Variants in EYS observed in about 807,000 individuals in gnomAD.
The protein encoded by EYS is EGF-like photoreceptor maintenance factor, also known as protein eyes shut homolog.
Under a neutral mutation model 282.1 loss-of-function variants are expected in EYS, and 250 were observed. The ratio of observed to expected loss-of-function variants is 0.89; its 90% CI spans 0.80 to 0.98. The LOEUF is 0.98. Among genes scored for constraint, EYS ranks in the 50% least tolerant of loss-of-function variants. The probability of loss-of-function intolerance (pLI) is 0.00; values close to 1 mark genes in which losing one functional copy is unlikely to be tolerated. For missense variants in EYS, 4,016 were observed against 3,709.0 expected, an observed-to-expected ratio of 1.08 and a Z score of -2.15; for synonymous variants, 1,355 against 1,282.9, an observed-to-expected ratio of 1.06 and a Z score of -1.20.
intron 31 of EYS, among the ~76,000 whole-genome samples, chr6:64,096,649 C>T (rs187529498): frequency 1.3e-5 from 2 of 152,246 alleles, no homozygotes; most frequent in East Asian, 1.9e-4. Context: ...GTTAGCCATT[C>T]GTCTAATTTT....
intron 22 of EYS, among the ~76,000 whole-genome samples, chr6:64,778,379 TA>T (rs1480028500): frequency 6.6e-6 from 1 of 152,206 alleles, no homozygotes; most frequent in Non-Finnish European, 1.5e-5. Flanking sequence ...CTCCAAGCAC[TA>T]GTGGTCTAAA....
chr6:64,119,597 T>C (rs1482718184), intron 31 of EYS, among the ~76,000 whole-genome samples: 1 of 152,250 alleles, frequency 6.6e-6, no homozygotes, highest in African/African-American at 2.4e-5. Flanking sequence ...ATTTAGTGAG[T>C]TCATACCCAT....
rs1011675959 is a variant in EYS at position 64,395,545 on chromosome 6, C to G, written c.5928-6705G>C. Among the ~76,000 whole-genome samples, 44 of 150,922 alleles carry G rather than the reference C, an allele frequency of 2.9e-4. 1 individual carries two copies. The highest frequency in any genetic ancestry group is 1.1e-3 in the African/African-American group (43 of 40,896). ...ACTATCGCAAGAACAAAAAACCAAA[C>G]ACCGCATATTCTCACTCATAGGTGG... is the stretch of plus-strand genomic sequence containing the variant. On this transcript the variant is annotated intron_variant, in intron 28 of 42. Coordinates refer to ENST00000503581, the MANE Select transcript of EYS (RefSeq NM_001142800.2).
At chr6:65,176,570 G>A (rs936757567) in intron 12 of EYS, among the ~76,000 whole-genome samples, 1 of 151,138 alleles carries the variant, frequency 6.6e-6, no homozygotes, top group Admixed American at 6.6e-5. Context: ...TAAATCAAAG[G>A]CCTTACTTGT....
At chr6:64,869,529 T>A (rs1766526635) in intron 19 of EYS, among the ~76,000 whole-genome samples, 1 of 151,486 alleles carries the variant, frequency 6.6e-6, no homozygotes, top group South Asian at 2.1e-4. Flanking sequence ...CATAAAGAGT[T>A]CCCTTTTAAG....
intron 35 of EYS, among the ~76,000 whole-genome samples, chr6:63,978,896 AGAT>A (rs1165883089): frequency 1.3e-5 from 2 of 151,914 alleles, no homozygotes; most frequent in African/African-American, 4.8e-5. Flanking sequence ...CTATAAAATG[AGAT>A]AATAGGGAAA....
intron 12 of EYS, among the ~76,000 whole-genome samples, chr6:65,118,856 C>A: frequency 1.4e-5 from 2 of 142,410 alleles, no homozygotes; most frequent in East Asian, 2.0e-4. Context: ...TGCAAATAAA[C>A]AAGTTTCACA....
At chr6:64,279,480 C>T in intron 30 of EYS, among the ~76,000 whole-genome samples, 1 of 152,048 alleles carries the variant, frequency 6.6e-6, no homozygotes, top group East Asian at 1.9e-4. Context: ...TCTCTAGAGA[C>T]CTTTCTATCC....
intron 22 of EYS, among the ~76,000 whole-genome samples, chr6:64,729,333 T>C (rs1190000699): frequency 6.6e-6 from 1 of 152,168 alleles, no homozygotes. Context: ...TCCCCTTCTG[T>C]GAAAGGAATA....
chr6:65,295,716 A>AT (rs34666704), intron 12 of EYS, 147 bp downstream of exon 12: 12 of 605,578 alleles, frequency 2.0e-5, no homozygotes, highest in African/African-American at 7.5e-5. Flanking sequence ...AAGTGAATGC[A>AT]TTTTTTTTTT....
intron 22 of EYS, among the ~76,000 whole-genome samples, chr6:64,642,552 T>C (rs1222531895): frequency 2.6e-5 from 4 of 152,216 alleles, no homozygotes; most frequent in Admixed American, 1.3e-4. Flanking sequence ...CCATATCATT[T>C]TGTCCACATT....
chr6:65,347,109 C>CACTTAGATATTAT (rs1182954552), intron 9 of EYS, among the ~76,000 whole-genome samples: 1 of 151,752 alleles, frequency 6.6e-6, no homozygotes, highest in Non-Finnish European at 1.5e-5. Context: ...AAAACTATCC[C>CACTTAGATATTAT]ACTTAGATAT....
At chr6:65,355,348 C>T (rs554868957) in intron 8 of EYS, among the ~76,000 whole-genome samples, 3 of 151,902 alleles carry the variant, frequency 2.0e-5, no homozygotes, top group Non-Finnish European at 4.4e-5. Flanking sequence ...CCTGTACCCC[C>T]AAAAGTATTG....
intron 2 of EYS, among the ~76,000 whole-genome samples, chr6:65,500,417 G>A (rs906073576): frequency 6.6e-6 from 1 of 152,026 alleles, no homozygotes; most frequent in Non-Finnish European, 1.5e-5. Flanking sequence ...ATTATGAAGT[G>A]AGTTTTCTAT....
intron 12 of EYS, among the ~76,000 whole-genome samples, chr6:65,169,803 T>C (rs533823351): frequency 2.6e-5 from 4 of 151,608 alleles, no homozygotes; most frequent in South Asian, 2.1e-4. Context: ...TTCTAATATA[T>C]GTAAGTCTTT....
At chr6:64,468,905 G>T (rs1160846235) in intron 26 of EYS, among the ~76,000 whole-genome samples, 2 of 152,112 alleles carry the variant, frequency 1.3e-5, no homozygotes, top group African/African-American at 4.8e-5. Context: ...GTCTGCCATT[G>T]ATGGGCATTT....
At chr6:64,609,232 AAG>A (rs1767030805) in intron 24 of EYS, among the ~76,000 whole-genome samples, 1 of 152,138 alleles carries the variant, frequency 6.6e-6, no homozygotes, top group Admixed American at 6.5e-5. Context: ...TTAAGAAAAA[AAG>A]AGTTACCTAA....
chr6:65,274,092 T>A (rs777599546), intron 12 of EYS, among the ~76,000 whole-genome samples: 12 of 152,166 alleles, frequency 7.9e-5, no homozygotes, highest in Non-Finnish European at 1.6e-4. Flanking sequence ...AGACACACCC[T>A]GTGGTTACTT....
At chr6:64,600,898 C>T (rs575570884) in intron 24 of EYS, among the ~76,000 whole-genome samples, 1 of 152,174 alleles carries the variant, frequency 6.6e-6, no homozygotes, top group East Asian at 1.9e-4. Flanking sequence ...TTCATTCTTT[C>T]CTCAAGCCAT....
Sources: gnomAD v4.1 joint callset for allele counts (sites outside exome capture counted in the v4.1 genomes callset) on GRCh38, gnomAD v4.1.1 for gene constraint, MANE v1.5 for transcripts, NCBI Gene and HGNC (gene_info 2026-07-23, HGNC 2026-07-21) for gene names.